ADARB2: variants seen among roughly 807,000 people sequenced by gnomAD.
ADARB2 encodes inactive double-stranded RNA-specific editase B2.
ADARB2 carries 25 observed loss-of-function variants against 62.2 expected under a neutral mutation model. The observed-to-expected ratio is 0.40, with a 90% CI of 0.29 to 0.56. The LOEUF (loss-of-function observed/expected upper bound fraction) is 0.56. Among genes scored for constraint, ADARB2 ranks in the 20% least tolerant of loss-of-function variants. ADARB2 has a pLI of 0.43. For missense variants in ADARB2, 1,071 were observed against 1,077.4 expected, an observed-to-expected ratio of 0.99 and a Z score of 0.08; for synonymous variants, 572 against 500.8, an observed-to-expected ratio of 1.14 and a Z score of -1.90.
At chr10:1,732,310 G>C (rs1398906211) in intron 1 of ADARB2, among the ~76,000 whole-genome samples, 2 of 49,566 alleles carry the variant, frequency 4.0e-5, no homozygotes, top group Admixed American at 1.9e-4. Context: ...ATCTTTTCAT[G>C]CCTCAAAAAA....
chr10:1,187,464 T>G (rs1002089906), intron 8 of ADARB2, among the ~76,000 whole-genome samples: 1 of 152,156 alleles, frequency 6.6e-6, no homozygotes, highest in African/African-American at 2.4e-5. Flanking sequence ...GGCCAACCAC[T>G]GAGGTGCCAA....
chr10:1,407,867 C>T (rs996674925), intron 1 of ADARB2, among the ~76,000 whole-genome samples: 3 of 152,194 alleles, frequency 2.0e-5, no homozygotes, highest in African/African-American at 7.2e-5. Context: ...ACTGGGCAGA[C>T]AGACCCAAAG....
intron 1 of ADARB2, among the ~76,000 whole-genome samples, chr10:1,644,042 C>T (rs902120150): frequency 2.0e-5 from 3 of 152,206 alleles, no homozygotes; most frequent in African/African-American, 7.2e-5. Flanking sequence ...GTAAATAAAA[C>T]TCCAGGTTAT....
At chr10:1,503,640 G>A (rs1329987857) in intron 1 of ADARB2, among the ~76,000 whole-genome samples, 1 of 152,116 alleles carries the variant, frequency 6.6e-6, no homozygotes, top group Non-Finnish European at 1.5e-5. Context: ...ATGTTAAAAT[G>A]TAATCCTCAG....
intron 1 of ADARB2, among the ~76,000 whole-genome samples, chr10:1,659,958 A>T (rs1834223771): frequency 6.7e-6 from 1 of 148,630 alleles, no homozygotes; most frequent in Non-Finnish European, 1.5e-5. Flanking sequence ...GCGACCCATC[A>T]TGCTGCTTCT....
chr10:1,387,635 G>C (rs1468232723), intron 1 of ADARB2, among the ~76,000 whole-genome samples: 1 of 151,866 alleles, frequency 6.6e-6, no homozygotes, highest in Non-Finnish European at 1.5e-5. Context: ...ATGTAAACTA[G>C]GCTCAGAGAG....
chr10:1,585,549 A>G (rs917030806), intron 1 of ADARB2, among the ~76,000 whole-genome samples: 1 of 152,194 alleles, frequency 6.6e-6, no homozygotes, highest in East Asian at 1.9e-4. Context: ...AGAGTCACTG[A>G]GCCAGACCAA....
chr10:1,714,837 C>A (rs1384360719), intron 1 of ADARB2, among the ~76,000 whole-genome samples: 2 of 152,276 alleles, frequency 1.3e-5, no homozygotes, highest in East Asian at 1.9e-4. Context: ...TTCAGTGAAG[C>A]CTTAACAAGG....
chr10:1,422,670 G>A (rs1236520515), intron 1 of ADARB2, among the ~76,000 whole-genome samples: 1 of 152,206 alleles, frequency 6.6e-6, no homozygotes, highest in African/African-American at 2.4e-5. Context: ...CAGTGCCTCA[G>A]TTATTTGGGT....
intron 3 of ADARB2, among the ~76,000 whole-genome samples, chr10:1,276,203 C>A (rs1202040757): frequency 6.6e-6 from 1 of 152,194 alleles, no homozygotes; most frequent in East Asian, 1.9e-4. Flanking sequence ...ACCATTCTAA[C>A]TGGTGTGAGA....
intron 5 of ADARB2, 55 bp downstream of exon 5, chr10:1,242,076 G>C: frequency 1.3e-6 from 2 of 1,523,016 alleles, no homozygotes; most frequent in South Asian, 1.2e-5. Flanking sequence ...TCTGCTCCCT[G>C]GCAGCCCCCA....
At position 1,211,286 on chromosome 10, in the gene ADARB2, C is replaced by A. The variant is rs187192070; in HGVS notation, c.1682+5665G>T. On this transcript the variant is annotated intron_variant, in intron 7 of 9. Transcript: ENST00000381312. ...TATCATCTATTAACTATCATCTGAT[C>A]TATAATCTATGTATCATCTGTCATC... Among the ~76,000 whole-genome samples the A allele has an allele frequency of 1.1e-4, 16 of 151,958 alleles. 1 individual carries two copies. Among genetic ancestry groups the A allele is most frequent in the African/African-American group, 3.6e-4 (15 of 41,494 alleles).
intron 4 of ADARB2, among the ~76,000 whole-genome samples, chr10:1,246,094 A>G (rs1193472980): frequency 6.6e-6 from 1 of 151,828 alleles, no homozygotes; most frequent in Non-Finnish European, 1.5e-5. Flanking sequence ...GCCAGTGATG[A>G]TGAGCATTTT....
At chr10:1,569,550 T>G (rs1044202606) in intron 1 of ADARB2, among the ~76,000 whole-genome samples, 1 of 152,370 alleles carries the variant, frequency 6.6e-6, no homozygotes, top group African/African-American at 2.4e-5. Flanking sequence ...TTTCAGCTTC[T>G]GATTTTATTC....
intron 1 of ADARB2, among the ~76,000 whole-genome samples, chr10:1,693,954 C>A (rs551837004): frequency 6.6e-6 from 1 of 152,218 alleles, no homozygotes; most frequent in Non-Finnish European, 1.5e-5. Context: ...CCACGGAACA[C>A]TAGTTCCTTG....
Position 1,233,978 on chromosome 10 carries a change from C to CTTTTTTTTTTTTTTTTTTT in ADARB2, c.1362-134_1362-133insAAAAAAAAAAAAAAAAAAA, listed in dbSNP as rs1589160330. The CTTTTTTTTTTTTTTTTTTT allele has an allele frequency of 9.2e-6, 4 of 433,412 alleles. 2 individuals carry two copies. The highest frequency in any genetic ancestry group is 6.4e-6 in the Non-Finnish European group (2 of 312,792). 26.8% of individuals were successfully genotyped at this position (433,412 alleles called of 1,614,324 possible). A position where few individuals can be genotyped will look rare whatever the true frequency, so the allele number is the denominator to read the frequency against. On this transcript the variant is annotated intron_variant, in intron 5 of 9. Transcript: ENST00000381312. ...CTTTATATTTTTCCTTTTTTTTTTC[C>CTTTTTTTTTTTTTTTTTTT]TTTTTTTTTTGAGACGGAGTCTTGT... is the stretch of plus-strand genomic sequence containing the variant.
chr10:1,289,852 C>T (rs752863921), intron 3 of ADARB2, among the ~76,000 whole-genome samples: 4 of 152,230 alleles, frequency 2.6e-5, no homozygotes, highest in Non-Finnish European at 4.4e-5. Flanking sequence ...GGTAGGCGTT[C>T]GCCAAACAAT....
At chr10:1,293,671 G>A (rs1831498382) in intron 3 of ADARB2, among the ~76,000 whole-genome samples, 2 of 152,210 alleles carry the variant, frequency 1.3e-5, no homozygotes, top group South Asian at 4.1e-4. Context: ...CTCTGGAGAT[G>A]TGTATCTTCA....
At chr10:1,696,659 G>T (rs971293535) in intron 1 of ADARB2, among the ~76,000 whole-genome samples, 1 of 152,194 alleles carries the variant, frequency 6.6e-6, no homozygotes, top group Non-Finnish European at 1.5e-5. Context: ...CTGTGCCTCC[G>T]CTGAGAGATG....
Sources: allele counts gnomAD v4.1 joint callset (sites outside exome capture counted in the v4.1 genomes callset), GRCh38; gene constraint gnomAD v4.1.1; transcripts MANE v1.5; gene names NCBI Gene and HGNC (gene_info 2026-07-23, HGNC 2026-07-21).